Variants in OSBPL8 observed in about 807,000 individuals in gnomAD.
OSBPL8 encodes the protein oxysterol binding protein like 8.
Under a neutral mutation model 125.5 loss-of-function variants are expected in OSBPL8, and 59 were observed. The observed-to-expected ratio is 0.47, with a 90% CI of 0.38 to 0.58. The LOEUF (loss-of-function observed/expected upper bound fraction) is 0.58. Ranked by LOEUF, OSBPL8 falls within the 20% of genes least tolerant of loss-of-function variation. The pLI, the probability that OSBPL8 is intolerant of heterozygous loss-of-function variation, is 0.00. For missense variants in OSBPL8, 758 were observed against 1,047.8 expected (o/e 0.72, Z 3.82); for synonymous variants, 330 against 338.9 (o/e 0.97, Z 0.29).
intron 11 of OSBPL8, 102 bp downstream of exon 11, chr12:76,390,318 C>T (rs1017257063): frequency 1.2e-6 from 1 of 862,834 alleles, no homozygotes; most frequent in Non-Finnish European, 1.8e-6. Flanking sequence ...CATTCTATCA[C>T]AGAAAAATAG....
At chr12:76,549,723 A>T (rs1383205130) in intron 1 of OSBPL8, among the ~76,000 whole-genome samples, 1 of 152,220 alleles carries the variant, frequency 6.6e-6, no homozygotes, top group Non-Finnish European at 1.5e-5. Flanking sequence ...ATGCTAGAAG[A>T]CAACAAAGCA....
Position 76,410,414 on chromosome 12 carries a change from T to A in OSBPL8, c.288+150A>T, listed in dbSNP as rs1339896290. 3 of 550,456 alleles carry A rather than the reference T, an allele frequency of 5.5e-6. No individual in the cohort carries two copies. In the African/African-American group the frequency reaches 5.7e-5, roughly 10 times the overall value. The allele number at this position is 550,456 out of a possible 1,614,324, so 34.1% of individuals were successfully genotyped here. ...CCAACAATACTTATATTAGCCCCAA[T>A]GGAACTTCACTCTTTTAATACACAC... On this transcript the variant is annotated intron_variant, in intron 5 of 23. Coordinates refer to ENST00000261183, the MANE Select transcript of OSBPL8 (RefSeq NM_020841.5).
At chr12:76,465,284 G>A (rs939812113) in intron 2 of OSBPL8, among the ~76,000 whole-genome samples, 1 of 152,246 alleles carries the variant, frequency 6.6e-6, no homozygotes, top group Non-Finnish European at 1.5e-5. Context: ...TGTCTGGCCA[G>A]GTGCAGTGGC....
At chr12:76,415,206 G>A (rs1006469610) in intron 4 of OSBPL8, among the ~76,000 whole-genome samples, 13 of 151,578 alleles carry the variant, frequency 8.6e-5, no homozygotes, top group African/African-American at 2.2e-4. Context: ...ACCTGAATCC[G>A]GAGCTTTCTA....
chr12:76,436,486 C>A (rs982327997), intron 4 of OSBPL8, among the ~76,000 whole-genome samples: 2 of 151,564 alleles, frequency 1.3e-5, no homozygotes, highest in Non-Finnish European at 2.9e-5. Flanking sequence ...CAATATCTAT[C>A]TGCATTTTCG....
chr12:76,464,041 GCGT>G (rs1394417438), intron 2 of OSBPL8, among the ~76,000 whole-genome samples: 1 of 152,144 alleles, frequency 6.6e-6, no homozygotes, highest in African/African-American at 2.4e-5. Context: ...AAAATGCTAG[GCGT>G]TCTTCTTGGT....
chr12:76,363,494 T>C (rs1481762654), intron 21 of OSBPL8, among the ~76,000 whole-genome samples: 2 of 152,136 alleles, frequency 1.3e-5, no homozygotes, highest in African/African-American at 2.4e-5. Context: ...CCTTACACCT[T>C]ATACAAAAAT....
chr12:76,523,819 C>G (rs971657917), intron 1 of OSBPL8, among the ~76,000 whole-genome samples: 18 of 152,082 alleles, frequency 1.2e-4, no homozygotes, highest in African/African-American at 4.3e-4. Flanking sequence ...TACAGCAGCC[C>G]AAGCAGACTT....
rs1159303035 is a variant in OSBPL8 at position 76,386,676 on chromosome 12, G to A, written c.1353-16C>T. On this transcript the variant is annotated splice_polypyrimidine_tract_variant and intron_variant, in intron 12 of 23. Coordinates refer to ENST00000261183, the MANE Select transcript of OSBPL8 (RefSeq NM_020841.5). Reference sequence around the variant, plus strand: ...AAGAGCTGCCCTAAAACACAAAACGGTAAACAAAAATTTTAAAAAATGTAT... The same window carrying A: ...AAGAGCTGCCCTAAAACACAAAACGATAAACAAAAATTTTAAAAAATGTAT... The A allele has an allele frequency of 7.0e-6, 11 of 1,569,946 alleles. No homozygotes were observed. Among genetic ancestry groups the A allele is most frequent in the Non-Finnish European group, 6.9e-6 (8 of 1,155,956 alleles).
chr12:76,464,806 C>A (rs981049090), intron 2 of OSBPL8, among the ~76,000 whole-genome samples: 2 of 152,222 alleles, frequency 1.3e-5, no homozygotes, highest in South Asian at 4.1e-4. Flanking sequence ...ACTGATGTAG[C>A]TGTTGGCACC....
intron 1 of OSBPL8, among the ~76,000 whole-genome samples, chr12:76,524,872 C>T (rs1030380499): frequency 3.3e-5 from 5 of 151,964 alleles, no homozygotes; most frequent in South Asian, 4.2e-4. Flanking sequence ...TTAGTAGAGA[C>T]GGGGTATCGT....
At chr12:76,429,427 T>C (rs935886094) in intron 4 of OSBPL8, among the ~76,000 whole-genome samples, 1 of 151,858 alleles carries the variant, frequency 6.6e-6, no homozygotes, top group Non-Finnish European at 1.5e-5. Context: ...TCATTATATG[T>C]TGACTGAAAC....
chr12:76,477,622 G>A (rs931953050), intron 2 of OSBPL8, among the ~76,000 whole-genome samples: 2 of 152,094 alleles, frequency 1.3e-5, no homozygotes, highest in African/African-American at 2.4e-5. Context: ...GTAACGTGAC[G>A]TCCTGAATTG....
At chr12:76,419,108 T>C (rs953230440) in intron 4 of OSBPL8, among the ~76,000 whole-genome samples, 3 of 152,082 alleles carry the variant, frequency 2.0e-5, no homozygotes, top group African/African-American at 4.8e-5. Context: ...TGGTGATACA[T>C]GCCTGTAGTC....
chr12:76,396,230 T>C (rs1417514040), intron 8 of OSBPL8, among the ~76,000 whole-genome samples: 1 of 152,114 alleles, frequency 6.6e-6, no homozygotes, highest in Non-Finnish European at 1.5e-5. Flanking sequence ...ATCCCAAATG[T>C]ATTCTCGCTG....
chr12:76,362,341 A>G (rs1031541605), intron 21 of OSBPL8, among the ~76,000 whole-genome samples: 1 of 152,192 alleles, frequency 6.6e-6, no homozygotes, highest in Non-Finnish European at 1.5e-5. Flanking sequence ...ACCAAGATCA[A>G]GTCGGTTTCA....
At chr12:76,491,523 T>A (rs546824754) in intron 1 of OSBPL8, among the ~76,000 whole-genome samples, 2 of 152,334 alleles carry the variant, frequency 1.3e-5, no homozygotes, top group African/African-American at 4.8e-5. Flanking sequence ...TTTGATATAA[T>A]CAATAGAGTA....
rs187316788 is a variant in OSBPL8 at position 76,396,031 on chromosome 12, T to C, written c.673-1302A>G. Among the ~76,000 whole-genome samples the C allele has an allele frequency of 1.4e-3, 211 of 150,660 alleles. 1 individual carries two copies. Among genetic ancestry groups the C allele is most frequent in the Admixed American group, 3.8e-3 (57 of 15,084 alleles). Reference sequence around the variant, plus strand: ...TATACATATATGTGTGTATATATAGTATTTTTGTATATGTATATATATGGT... The same window carrying C: ...TATACATATATGTGTGTATATATAGCATTTTTGTATATGTATATATATGGT... On this transcript the variant is annotated intron_variant, in intron 8 of 23. Transcript: ENST00000261183.
intron 2 of OSBPL8, among the ~76,000 whole-genome samples, chr12:76,467,639 TG>T (rs1395808756): frequency 6.6e-6 from 1 of 152,140 alleles, no homozygotes; most frequent in African/African-American, 2.4e-5. Context: ...TTTGCCTCTA[TG>T]GTGCCTATTT....
Sources: allele counts gnomAD v4.1 joint callset (sites outside exome capture counted in the v4.1 genomes callset), GRCh38; gene constraint gnomAD v4.1.1; transcripts MANE v1.5; gene names NCBI Gene and HGNC (gene_info 2026-07-23, HGNC 2026-07-21).